The following MTUS2 variants were observed in gnomAD, a reference collection of about 807,000 sequenced individuals.
The protein encoded by MTUS2 is microtubule associated scaffold protein 2, also known as microtubule-associated tumor suppressor candidate 2.
MTUS2 carries 40 observed loss-of-function variants against 114.1 expected under a neutral mutation model. The ratio of observed to expected loss-of-function variants is 0.35; its 90% CI spans 0.27 to 0.46. The LOEUF is 0.46. MTUS2 is among the 20% of genes least tolerant of loss of function. The pLI is 1.00. For synonymous variants in MTUS2, 688 were observed against 672.0 expected, an observed-to-expected ratio of 1.02 and a Z score of -0.37; for missense variants, 1,679 against 1,705.4, an observed-to-expected ratio of 0.98 and a Z score of 0.27.
At chr13:29,237,778 G>A (rs7987149) in intron 5 of MTUS2, among the ~76,000 whole-genome samples, 86,172 of 151,982 alleles carry the variant, frequency 0.57, 24,689 homozygotes, top group Non-Finnish European at 0.59. Flanking sequence ...GTCAAAAGAA[G>A]ACATACAAAC....
chr13:29,242,056 A>G (rs1020959958), intron 5 of MTUS2, among the ~76,000 whole-genome samples: 1 of 152,218 alleles, frequency 6.6e-6, no homozygotes, highest in Non-Finnish European at 1.5e-5. Context: ...AAGTAATTTC[A>G]TAGGGCTGTA....
intron 2 of MTUS2, among the ~76,000 whole-genome samples, chr13:28,962,302 C>T (rs544285011): frequency 5.9e-5 from 9 of 151,968 alleles, no homozygotes; most frequent in East Asian, 1.9e-4. Flanking sequence ...CTCCCCTCTC[C>T]CACACTGTTC....
intron 3 of MTUS2, among the ~76,000 whole-genome samples, chr13:29,028,997 C>G (rs1886691077): frequency 6.6e-6 from 1 of 152,188 alleles, no homozygotes; most frequent in Admixed American, 6.5e-5. Context: ...CAGAAGTTGT[C>G]ATATCTAGCA....
intron 5 of MTUS2, among the ~76,000 whole-genome samples, chr13:29,183,253 T>TGA (rs60832110): frequency 0.16 from 23,300 of 147,238 alleles, 1,926 homozygotes; most frequent in East Asian, 0.31. Flanking sequence ...GATGTTGGGG[T>TGA]GAGAGAGAGA....
intron 2 of MTUS2, among the ~76,000 whole-genome samples, chr13:28,898,482 C>T (rs189108135): frequency 1.2e-4 from 18 of 152,230 alleles, no homozygotes; most frequent in Admixed American, 7.8e-4. Context: ...AACATCACAC[C>T]GAAGATAGCA....
At chr13:29,279,583 C>T (rs1448799308) in intron 5 of MTUS2, among the ~76,000 whole-genome samples, 1 of 152,206 alleles carries the variant, frequency 6.6e-6, no homozygotes, top group Non-Finnish European at 1.5e-5. Context: ...TCTTTAATTA[C>T]CAGCCAACTT....
At chr13:29,406,814 T>C (rs1874791067) in intron 8 of MTUS2, among the ~76,000 whole-genome samples, 1 of 152,076 alleles carries the variant, frequency 6.6e-6, no homozygotes, top group Admixed American at 6.5e-5. Context: ...AATATCATGC[T>C]GTAAGCATCA....
chr13:29,193,935 C>T (rs190516955), intron 5 of MTUS2, among the ~76,000 whole-genome samples: 26 of 152,072 alleles, frequency 1.7e-4, no homozygotes, highest in Admixed American at 3.3e-4. Flanking sequence ...TCAGAAATAA[C>T]GCCGCATATC....
At chr13:29,361,147 A>C (rs969787966) in intron 8 of MTUS2, among the ~76,000 whole-genome samples, 3 of 152,160 alleles carry the variant, frequency 2.0e-5, no homozygotes, top group Non-Finnish European at 4.4e-5. Flanking sequence ...GCAGACCAGG[A>C]GTTTTACTTC....
intron 5 of MTUS2, among the ~76,000 whole-genome samples, chr13:29,196,401 C>A (rs761275260): frequency 7.4e-5 from 11 of 147,734 alleles, no homozygotes; most frequent in Admixed American, 2.1e-4. Flanking sequence ...TTTCTTTAAT[C>A]TCAGATTTTT....
At position 28,889,476 on chromosome 13, in the gene MTUS2, C is replaced by T. The variant is rs369180817; in HGVS notation, c.-243+49626C>T. ...GTCATTAGGTAATAACTCTCTGTGT[C>T]GTTGGGCTTGCATCTGAAGTTGTGA... On this transcript the variant is annotated intron_variant, in intron 2 of 15. Coordinates refer to ENST00000612955, the MANE Select transcript of MTUS2 (RefSeq NM_001033602.4). Among the ~76,000 whole-genome samples the T allele has an allele frequency of 2.2e-3, 328 of 152,228 alleles. 1 individual carries two copies. The highest frequency in any genetic ancestry group is 7.3e-3 in the African/African-American group (302 of 41,514).
intron 6 of MTUS2, among the ~76,000 whole-genome samples, chr13:29,293,720 A>T (rs61948204): frequency 0.029 from 4,490 of 152,236 alleles, 98 homozygotes; most frequent in Non-Finnish European, 0.042. Context: ...ATAAGTTATG[A>T]TATAGCCATT....
upstream of MTUS2, among the ~76,000 whole-genome samples, chr13:28,819,988 G>T (rs1020191957): frequency 6.8e-6 from 1 of 147,124 alleles, no homozygotes; most frequent in Non-Finnish European, 1.5e-5. Context: ...CGGCCGGGAG[G>T]GGGTGCGCGC....
intron 5 of MTUS2, among the ~76,000 whole-genome samples, chr13:29,125,085 T>C (rs1217890809): frequency 2.6e-5 from 4 of 152,212 alleles, no homozygotes; most frequent in Non-Finnish European, 4.4e-5. Context: ...TAAAATTATA[T>C]TATGTGAATT....
At position 29,346,979 on chromosome 13, in the gene MTUS2, CT is replaced by C. The variant is rs1406678566; in HGVS notation, c.2906-12280del. ...TGTGTGTTTGGGGGCAGTCGTTCCC[CT>C]TTCACACTTTAGACACTCATAGTTT... On this transcript the variant is annotated intron_variant, in intron 7 of 15. Transcript: ENST00000612955. Among the ~76,000 whole-genome samples the C allele has an allele frequency of 2.2e-4, 34 of 151,684 alleles. No individual in the cohort carries two copies. In the East Asian group the frequency reaches 6.3e-3, roughly 28 times the overall value.
intron 5 of MTUS2, among the ~76,000 whole-genome samples, chr13:29,197,891 A>G (rs916088018): frequency 6.6e-6 from 1 of 152,104 alleles, no homozygotes; most frequent in Non-Finnish European, 1.5e-5. Flanking sequence ...TCCTTTGCCC[A>G]TTTTTGATGG....
intron 2 of MTUS2, among the ~76,000 whole-genome samples, chr13:28,995,380 A>C (rs564799074): frequency 6.9e-4 from 105 of 152,130 alleles, no homozygotes; most frequent in Middle Eastern, 3.4e-3. Context: ...CTTGGCAATG[A>C]GGGCTCTTTT....
At position 29,378,776 on chromosome 13, in the gene MTUS2, C is replaced by T. The variant is rs555327741; in HGVS notation, c.3117+19303C>T. Among the ~76,000 whole-genome samples the T allele has an allele frequency of 4.0e-4, 61 of 151,440 alleles. 1 individual carries two copies. The highest frequency in any genetic ancestry group is 1.4e-3 in the African/African-American group (59 of 41,118). ...CTGAGTCCTGGAGGACTCAGTGGAACCCCCATAATTTGGGAGATTTCAGAG... is the reference window on the plus strand; with the variant it reads ...CTGAGTCCTGGAGGACTCAGTGGAATCCCCATAATTTGGGAGATTTCAGAG... On this transcript the variant is annotated intron_variant, in intron 8 of 15. Transcript: ENST00000612955.
In MTUS2 at chr13:28,868,430, A is replaced by G. The variant is rs568423650; in HGVS notation, c.-243+28580A>G. ...GTTGGCGCCACAGCCTCCATGTTAT[A>G]TTGCAGATTCTGGTCACATCTGCCC... On this transcript the variant is annotated intron_variant, in intron 2 of 15. Transcript: ENST00000612955. Among the ~76,000 whole-genome samples, 4 of 152,200 alleles carry G rather than the reference A, an allele frequency of 2.6e-5. No individual in the cohort carries two copies. The South Asian group carries it at 8.3e-4, about 32-fold the overall frequency.
Sources: allele counts gnomAD v4.1 joint callset (sites outside exome capture counted in the v4.1 genomes callset), GRCh38; gene constraint gnomAD v4.1.1; transcripts MANE v1.5; gene names NCBI Gene and HGNC (gene_info 2026-07-23, HGNC 2026-07-21).